RNF111: variants seen among roughly 807,000 people sequenced by gnomAD.
The protein encoded by RNF111 is E3 ubiquitin-protein ligase Arkadia.
RNF111 carries 17 observed loss-of-function variants against 95.1 expected under a neutral mutation model. That is an observed-to-expected ratio of 0.18 (90% confidence interval 0.12 to 0.27). The LOEUF (loss-of-function observed/expected upper bound fraction) is 0.27, where lower values mean the gene tolerates loss of function less well. Ranked by LOEUF, RNF111 falls within the 10% of genes least tolerant of loss-of-function variation. The pLI is 1.00. For missense variants in RNF111, 1,189 were observed against 1,210.4 expected, an observed-to-expected ratio of 0.98 and a Z score of 0.26; for synonymous variants, 440 against 414.8, an observed-to-expected ratio of 1.06 and a Z score of -0.74.
chr15:59,018,398 A>G (rs927473000), intron 1 of RNF111, among the ~76,000 whole-genome samples: 7 of 152,180 alleles, frequency 4.6e-5, no homozygotes, highest in Admixed American at 3.3e-4. Flanking sequence ...TCCTGTAAAA[A>G]TTGTGCTTGC....
chr15:59,006,432 A>T (rs1211485852), intron 1 of RNF111, among the ~76,000 whole-genome samples: 1 of 152,184 alleles, frequency 6.6e-6, no homozygotes, highest in African/African-American at 2.4e-5. Flanking sequence ...TCTTTGTTTT[A>T]GAATTTCATG....
chr15:59,096,211 A>C lies in RNF111; in HGVS notation c.*1311A>C. 2.5e-6 allele frequency: 1 copy of C among 396,384 alleles called. No individual in the cohort carries two copies. Among genetic ancestry groups the C allele is most frequent in the Non-Finnish European group, 4.4e-6 (1 of 224,762 alleles). 24.6% of individuals were successfully genotyped at this position (396,384 alleles called of 1,614,324 possible). ...GAAGTTTTAATCTACTTCAGGATGC[A>C]TATTATTATCAAGATACTTTCATAT... is the stretch of plus-strand genomic sequence containing the variant. On this transcript the variant is annotated 3_prime_UTR_variant, in exon 14 of 14. Transcript: ENST00000348370.
rs551453839 is a variant in RNF111 at position 59,035,756 on chromosome 15, A to C, written c.880+4054A>C. Among the ~76,000 whole-genome samples, 36 of 152,264 alleles carry C rather than the reference A, an allele frequency of 2.4e-4. No individual in the cohort carries two copies. The South Asian group carries it at 5.0e-3, about 21-fold the overall frequency. ...TTTGCATAGCAAGAGTGGCCCATTT[A>C]CTCCAGTTCCCAAGAAGTTCCTTGT... On this transcript the variant is annotated intron_variant, in intron 2 of 13. Transcript: ENST00000348370.
At chr15:58,995,937 A>T (rs1415560636) in intron 1 of RNF111, among the ~76,000 whole-genome samples, 2 of 151,944 alleles carry the variant, frequency 1.3e-5, no homozygotes, top group African/African-American at 4.8e-5. Flanking sequence ...TATATACAGG[A>T]ATAATCTTTT....
chr15:59,070,628 AAGG>A lies in RNF111; in HGVS notation c.1686+3548_1686+3550del, dbSNP rs551264998. On this transcript the variant is annotated intron_variant, in intron 6 of 13. Transcript: ENST00000348370. ...TATACTTGATTGTACAGCTCAACAG[AAGG>A]AGAACAGACATATACTTGATTGTAG... 5.9e-5 allele frequency among the ~76,000 whole-genome samples: 9 copies of A among 151,992 alleles called. No homozygotes were observed. The South Asian group carries it at 1.9e-3, about 32-fold the overall frequency.
intron 2 of RNF111, among the ~76,000 whole-genome samples, chr15:59,034,462 G>A (rs972747597): frequency 2.0e-5 from 3 of 152,144 alleles, no homozygotes; most frequent in African/African-American, 7.2e-5. Flanking sequence ...CTCTGTGCCA[G>A]TAATGTTCTA....
intron 10 of RNF111, among the ~76,000 whole-genome samples, chr15:59,088,374 T>G (rs1220610229): frequency 6.6e-6 from 1 of 152,214 alleles, no homozygotes; most frequent in Non-Finnish European, 1.5e-5. Flanking sequence ...TCTTTGAAGA[T>G]GTTTAGGAGG....
chr15:58,992,290 C>T (rs1208638896), intron 1 of RNF111, among the ~76,000 whole-genome samples: 1 of 152,094 alleles, frequency 6.6e-6, no homozygotes, highest in Non-Finnish European at 1.5e-5. Flanking sequence ...GGTGATTCGC[C>T]CGTCTCGGCC....
chr15:59,026,044 C>A (rs1245513945), intron 1 of RNF111, among the ~76,000 whole-genome samples: 1 of 148,346 alleles, frequency 6.7e-6, no homozygotes, highest in African/African-American at 2.5e-5. Flanking sequence ...TTTTTTTTTT[C>A]TTTTAAAATC....
chr15:59,014,394 G>A (rs1397127831), intron 1 of RNF111, among the ~76,000 whole-genome samples: 1 of 152,218 alleles, frequency 6.6e-6, no homozygotes, highest in Non-Finnish European at 1.5e-5. Context: ...CAGTTCCTAT[G>A]CAGAATGCTT....
chr15:59,046,225 A>G (rs1274195248), intron 2 of RNF111, among the ~76,000 whole-genome samples: 2 of 136,904 alleles, frequency 1.5e-5, no homozygotes, highest in Non-Finnish European at 3.1e-5. Flanking sequence ...ACAGGATTTC[A>G]TTCTGTTGCC....
In RNF111 at chr15:59,058,366, A is replaced by G; in HGVS notation, c.1182A>G (p.Val394=). 8.1e-6 allele frequency: 13 copies of G among 1,613,896 alleles called. No individual in the cohort carries two copies. The highest frequency in any genetic ancestry group is 1.1e-5 in the Non-Finnish European group (13 of 1,179,788). The part of the protein sequence containing the change: ...DLTVDEDEPT[V]VPTTSARMES... ...TTTTGTATTTTGTAGAACCTACTGT[A>G]GTACCAACCACTTCTGCAAGAATGG... The change falls in exon 5 of 14, where the codon GTA becomes GTG. Residue 394 remains valine (V), a synonymous_variant. Transcript: ENST00000348370.
intron 1 of RNF111, among the ~76,000 whole-genome samples, chr15:58,997,677 G>A (rs1342953507): frequency 2.0e-5 from 3 of 151,328 alleles, no homozygotes; most frequent in Admixed American, 6.6e-5. Flanking sequence ...TTAGCAGGGC[G>A]TGGTGGCATA....
intron 1 of RNF111, among the ~76,000 whole-genome samples, chr15:59,006,297 C>T (rs1201024204): frequency 6.6e-6 from 1 of 152,168 alleles, no homozygotes; most frequent in Non-Finnish European, 1.5e-5. Flanking sequence ...GCAGTTAGCA[C>T]CCCAATCAGG....
chr15:59,073,833 A>G (rs932162426), intron 6 of RNF111, among the ~76,000 whole-genome samples: 20 of 152,190 alleles, frequency 1.3e-4, no homozygotes, highest in Non-Finnish European at 2.4e-4. Flanking sequence ...TATGGCAGCT[A>G]TAGCCTTATG....
chr15:59,064,053 T>TTA (rs1189410749), intron 5 of RNF111, among the ~76,000 whole-genome samples: 1 of 152,166 alleles, frequency 6.6e-6, no homozygotes, highest in African/African-American at 2.4e-5. Context: ...ACTATACATA[T>TTA]TATAATTTAT....
chr15:59,023,616 T>G (rs1020828742), intron 1 of RNF111, among the ~76,000 whole-genome samples: 1 of 152,218 alleles, frequency 6.6e-6, no homozygotes, highest in Non-Finnish European at 1.5e-5. Flanking sequence ...CATTTGTCAG[T>G]GTCATCTGCC....
intron 6 of RNF111, among the ~76,000 whole-genome samples, chr15:59,071,870 A>G (rs2042944306): frequency 6.6e-6 from 1 of 152,140 alleles, no homozygotes; most frequent in African/African-American, 2.4e-5. Context: ...AAATACAATA[A>G]AGTGAATATT....
At chr15:59,035,195 G>A (rs906329230) in intron 2 of RNF111, among the ~76,000 whole-genome samples, 1 of 152,108 alleles carries the variant, frequency 6.6e-6, no homozygotes, top group Non-Finnish European at 1.5e-5. Context: ...TGTCCACCTG[G>A]CCCTGTCCAT....
Sources: allele counts gnomAD v4.1 joint callset (sites outside exome capture counted in the v4.1 genomes callset), GRCh38; gene constraint gnomAD v4.1.1; transcripts MANE v1.5; gene names NCBI Gene and HGNC (gene_info 2026-07-23, HGNC 2026-07-21).